Variants in SLC16A10 observed in about 807,000 individuals in gnomAD.
The protein encoded by SLC16A10 is solute carrier family 16 member 10.
SLC16A10 carries 27 observed loss-of-function variants against 40.0 expected under a neutral mutation model. The observed-to-expected ratio is 0.67, with a 90% confidence interval of 0.50 to 0.93. SLC16A10 has a LOEUF of 0.93. SLC16A10 is among the 40% of genes least tolerant of loss of function. The pLI, the probability that SLC16A10 is intolerant of heterozygous loss-of-function variation, is 0.00. For missense variants in SLC16A10, 529 were observed against 658.2 expected, an observed-to-expected ratio of 0.80 and a Z score of 2.15; for synonymous variants, 213 against 249.8, an observed-to-expected ratio of 0.85 and a Z score of 1.39.
intron 5 of SLC16A10, among the ~76,000 whole-genome samples, chr6:111,219,789 A>G (rs929930622): frequency 2.6e-5 from 4 of 152,170 alleles, no homozygotes; most frequent in African/African-American, 9.7e-5. Flanking sequence ...CAAACATAAA[A>G]GGTGACGTGG....
At chr6:111,124,431 G>A (rs997022940) in intron 1 of SLC16A10, among the ~76,000 whole-genome samples, 4 of 150,844 alleles carry the variant, frequency 2.7e-5, no homozygotes, top group South Asian at 4.2e-4. Flanking sequence ...TCATGGCCAC[G>A]GCTCACTGCA....
chr6:111,135,838 G>A lies in SLC16A10; in HGVS notation c.344-36857G>A, dbSNP rs538752673. 9.9e-5 allele frequency among the ~76,000 whole-genome samples: 15 copies of A among 152,186 alleles called. No homozygotes were observed. The East Asian group carries it at 2.1e-3, about 22-fold the overall frequency. ...CACCCAAGTGCTCTTAAATTTCCTC[G>A]CCACCTGTGGCTACAAGGTTTCCAA... On this transcript the variant is annotated intron_variant, in intron 1 of 5. Transcript: ENST00000368851.
intron 1 of SLC16A10, among the ~76,000 whole-genome samples, chr6:111,131,479 T>G (rs932919935): frequency 6.6e-6 from 1 of 152,144 alleles, no homozygotes; most frequent in African/African-American, 2.4e-5. Flanking sequence ...CCCGGTAACA[T>G]TTTGGCCACC....
chr6:111,167,786 A>G (rs1023624095), intron 1 of SLC16A10, among the ~76,000 whole-genome samples: 4 of 152,008 alleles, frequency 2.6e-5, no homozygotes, highest in Non-Finnish European at 2.9e-5. Context: ...CTCCTGCCTC[A>G]GCCTGCCAAG....
At chr6:111,177,724 G>A (rs1772713384) in intron 3 of SLC16A10, 59 bp downstream of exon 3, 2 of 1,418,656 alleles carry the variant, frequency 1.4e-6, no homozygotes, top group Non-Finnish European at 1.9e-6. Context: ...AAACTTCTTT[G>A]AAGAGAAAGT....
In SLC16A10 at chr6:111,226,779, T is replaced by C. The variant is rs550637900; in HGVS notation, c.*4544T>C. On this transcript the variant is annotated 3_prime_UTR_variant, in exon 6 of 6. Coordinates refer to ENST00000368851, the MANE Select transcript of SLC16A10 (RefSeq NM_018593.5). The stretch of plus-strand genomic sequence containing the variant: ...ACAAAACGCAATTTGTCATTCATAA[T>C]GGTAATGTGGAATAAGAATACATCG... 2 of 152,352 alleles carry C rather than the reference T, an allele frequency of 1.3e-5. No homozygotes were observed. Among genetic ancestry groups the C allele is most frequent in the East Asian group, 3.9e-4 (2 of 5,186 alleles). 9.4% of individuals were successfully genotyped at this position (152,352 alleles called of 1,614,324 possible).
chr6:111,206,111 C>G (rs1345600226), intron 3 of SLC16A10, among the ~76,000 whole-genome samples: 3 of 150,082 alleles, frequency 2.0e-5, no homozygotes, highest in African/African-American at 7.4e-5. Flanking sequence ...CGGAGTCTTG[C>G]TCTGTCGCCC....
chr6:111,099,627 C>T (rs1347919191), intron 1 of SLC16A10, among the ~76,000 whole-genome samples: 1 of 152,092 alleles, frequency 6.6e-6, no homozygotes, highest in African/African-American at 2.4e-5. Context: ...TAAATAATTT[C>T]TAATCTAAAA....
At chr6:111,198,454 G>A (rs537495312) in intron 3 of SLC16A10, among the ~76,000 whole-genome samples, 6 of 152,156 alleles carry the variant, frequency 3.9e-5, no homozygotes, top group Non-Finnish European at 8.8e-5. Flanking sequence ...CAATGTCATT[G>A]TTGTGCAAAC....
intron 1 of SLC16A10, among the ~76,000 whole-genome samples, chr6:111,147,928 G>A (rs1396755300): frequency 2.0e-5 from 3 of 152,140 alleles, no homozygotes; most frequent in Non-Finnish European, 2.9e-5. Context: ...TTTCTCTTAC[G>A]TGACTCTGAA....
chr6:111,106,726 ATAGAAAC>A (rs1771290577), intron 1 of SLC16A10, among the ~76,000 whole-genome samples: 2 of 152,372 alleles, frequency 1.3e-5, no homozygotes, highest in South Asian at 4.1e-4. Context: ...TGATAAGTGA[ATAGAAAC>A]TAGTTGCCTT....
chr6:111,120,710 T>A (rs1771568210), intron 1 of SLC16A10, among the ~76,000 whole-genome samples: 1 of 152,214 alleles, frequency 6.6e-6, no homozygotes, highest in South Asian at 2.1e-4. Flanking sequence ...TACTGTAGAT[T>A]ATTTGGCTGT....
In SLC16A10 at chr6:111,148,261, C is replaced by T. The variant is rs182519173; in HGVS notation, c.344-24434C>T. On this transcript the variant is annotated intron_variant, in intron 1 of 5. Transcript: ENST00000368851. ...TATATAAAAGAGGATCCAGGTCCCA[C>T]ATCCACTGTCAAGGAGGAATGTAAG... Among the ~76,000 whole-genome samples the T allele has an allele frequency of 2.1e-3, 315 of 152,322 alleles. 1 individual carries two copies. The highest frequency in any genetic ancestry group is 7.5e-3 in the African/African-American group (310 of 41,566).
intron 1 of SLC16A10, among the ~76,000 whole-genome samples, chr6:111,147,198 G>A (rs1162798368): frequency 6.6e-6 from 1 of 151,852 alleles, no homozygotes; most frequent in African/African-American, 2.4e-5. Flanking sequence ...TAAATTTTAT[G>A]GTATGTGAAT....
chr6:111,157,222 AG>A (rs1408957868), intron 1 of SLC16A10, among the ~76,000 whole-genome samples: 3 of 150,650 alleles, frequency 2.0e-5, no homozygotes, highest in African/African-American at 7.3e-5. Context: ...CCCAGACAAA[AG>A]TTTATTTTTT....
chr6:111,148,402 T>G (rs558643891), intron 1 of SLC16A10, among the ~76,000 whole-genome samples: 10 of 152,238 alleles, frequency 6.6e-5, no homozygotes, highest in Non-Finnish European at 1.2e-4. Flanking sequence ...CTGGCAGAAT[T>G]ACCTGTGGCT....
intron 1 of SLC16A10, among the ~76,000 whole-genome samples, chr6:111,157,752 A>G (rs949443926): frequency 2.6e-5 from 4 of 152,214 alleles, no homozygotes; most frequent in African/African-American, 9.7e-5. Flanking sequence ...ATAAATATCT[A>G]TGAGTCCATA....
At chr6:111,117,306 C>G (rs980544024) in intron 1 of SLC16A10, among the ~76,000 whole-genome samples, 1 of 127,408 alleles carries the variant, frequency 7.8e-6, no homozygotes, top group Non-Finnish European at 1.5e-5. Flanking sequence ...GAGCCCAGAT[C>G]AAGCCACTGC....
At chr6:111,122,950 T>C (rs114355694) in intron 1 of SLC16A10, among the ~76,000 whole-genome samples, 1,736 of 152,378 alleles carry the variant, frequency 0.011, 7 homozygotes, top group African/African-American at 0.023. Flanking sequence ...TTCTTCATCA[T>C]TACCGAGACT....
Sources: allele counts gnomAD v4.1 joint callset (sites outside exome capture counted in the v4.1 genomes callset), GRCh38; gene constraint gnomAD v4.1.1; transcripts MANE v1.5; gene names NCBI Gene and HGNC (gene_info 2026-07-23, HGNC 2026-07-21).